Variants in SYT14 observed in about 807,000 individuals in gnomAD.
The protein encoded by SYT14 is synaptotagmin 14, also known as synaptotagmin-14.
SYT14 carries 32 observed loss-of-function variants against 74.2 expected under a neutral mutation model. That is an observed-to-expected ratio of 0.43 (90% CI 0.33 to 0.58). The LOEUF is 0.58. Ranked by LOEUF, SYT14 falls within the 20% of genes least tolerant of loss-of-function variation. The pLI is 0.05. For missense variants in SYT14, 791 were observed against 981.8 expected, an observed-to-expected ratio of 0.81 and a Z score of 2.60; for synonymous variants, 298 against 337.7, an observed-to-expected ratio of 0.88 and a Z score of 1.29.
intron 2 of SYT14, among the ~76,000 whole-genome samples, chr1:209,969,373 G>A (rs556815104): frequency 4.6e-5 from 7 of 152,094 alleles, no homozygotes; most frequent in African/African-American, 1.7e-4. Context: ...CAGTGTATAA[G>A]TGTTCCCCTT....
At chr1:210,126,703 G>A (rs74156294) in intron 7 of SYT14, among the ~76,000 whole-genome samples, 152 of 152,180 alleles carry the variant, frequency 1.0e-3, no homozygotes, top group African/African-American at 3.4e-3. Flanking sequence ...TTTCATCATC[G>A]GTACTGGTAT....
intron 2 of SYT14, among the ~76,000 whole-genome samples, chr1:209,961,711 T>C (rs1365033350): frequency 6.6e-6 from 1 of 152,140 alleles, no homozygotes; most frequent in African/African-American, 2.4e-5. Flanking sequence ...AGACTCTTAC[T>C]AGAGATGAAT....
chr1:210,010,631 G>A (rs1007763483), intron 2 of SYT14, among the ~76,000 whole-genome samples: 6 of 152,066 alleles, frequency 3.9e-5, no homozygotes, highest in Admixed American at 2.6e-4. Flanking sequence ...TTTACTGTAT[G>A]TTATACTTAC....
exon 10 of SYT14, chr1:210,166,317 A>T (rs944820464): frequency 7.9e-5 from 12 of 152,236 alleles, no homozygotes; most frequent in African/African-American, 2.9e-4. Context: ...TGTAATCCCA[A>T]CACTTTGGGA....
chr1:209,965,517 CAT>C (rs1471691879), intron 2 of SYT14, among the ~76,000 whole-genome samples: 1 of 152,164 alleles, frequency 6.6e-6, no homozygotes, highest in Non-Finnish European at 1.5e-5. Context: ...CTGGGATAAA[CAT>C]ATAAGTGCGT....
At chr1:210,162,102 C>A in exon 10 of SYT14, 1 of 436,626 alleles carries the variant, frequency 2.3e-6, no homozygotes, top group Non-Finnish European at 4.6e-6. Flanking sequence ...GATATGAAGA[C>A]TATCCAGTTC....
chr1:210,016,498 T>A lies in SYT14; in HGVS notation c.495T>A (p.Cys165Ter). ...AGAATACAAGGGCTGGATCTATTTG[T>A]CAAGAACTTGAAAGTACTGACAGAT... Residue 165 changes from cysteine to a stop codon, truncating the protein, a stop_gained, in exon 4 of 10, where the codon TGT (cysteine) becomes TGA (stop). Transcript: ENST00000637265. LOFTEE classifies it high-confidence loss of function. 1 of 1,232,080 alleles carries A rather than the reference T, an allele frequency of 8.1e-7. No homozygotes were observed. Among genetic ancestry groups the A allele is most frequent in the Non-Finnish European group, 1.0e-6 (1 of 987,924 alleles). The allele number at this position is 1,232,080 out of a possible 1,614,324, so 76.3% of individuals were successfully genotyped here.
chr1:210,139,092 T>G (rs1237454443), intron 7 of SYT14, among the ~76,000 whole-genome samples: 1 of 11,896 alleles, frequency 8.4e-5, no homozygotes, highest in Non-Finnish European at 1.4e-4. Context: ...GTACTTTTAT[T>G]TTTTTTTTTT....
At chr1:210,099,293 T>G (rs1351625798) in intron 6 of SYT14, among the ~76,000 whole-genome samples, 1 of 152,148 alleles carries the variant, frequency 6.6e-6, no homozygotes, top group African/African-American at 2.4e-5. Flanking sequence ...TTCTTTTAAT[T>G]TCATAATTAA....
At chr1:210,159,574 T>A in intron 9 of SYT14, 97 bp downstream of exon 8, 1 of 1,009,848 alleles carries the variant, frequency 9.9e-7, no homozygotes, top group Non-Finnish European at 1.5e-6. Context: ...CATGTTGGTT[T>A]CCAAAACAAT....
In SYT14 at chr1:210,082,948, G is replaced by A. The variant is rs111312000; in HGVS notation, c.1313-11374G>A. 8.1e-3 allele frequency among the ~76,000 whole-genome samples: 1,237 copies of A among 152,000 alleles called. 13 individuals are homozygous for A. Among genetic ancestry groups the A allele is most frequent in the African/African-American group, 0.026 (1,059 of 41,442 alleles). On this transcript the variant is annotated intron_variant, in intron 5 of 9. Transcript: ENST00000637265. Reference sequence around the variant, plus strand: ...ACTGGTAGAAAGTTGGTAGCTATACGTGCAGTCTGGTTTGAGTAATGGGTT... The same window carrying A: ...ACTGGTAGAAAGTTGGTAGCTATACATGCAGTCTGGTTTGAGTAATGGGTT...
At chr1:209,953,891 C>T (rs1474921019) in intron 2 of SYT14, among the ~76,000 whole-genome samples, 1 of 152,118 alleles carries the variant, frequency 6.6e-6, no homozygotes, top group East Asian at 1.9e-4. Flanking sequence ...GATTCTCATG[C>T]TATAACTATT....
intron 1 of SYT14, among the ~76,000 whole-genome samples, chr1:209,952,336 T>C (rs1473664302): frequency 6.6e-6 from 1 of 152,146 alleles, no homozygotes; most frequent in Non-Finnish European, 1.5e-5. Context: ...GATTGACCTT[T>C]CAATAACTTA....
chr1:210,157,374 C>T (rs568531503), intron 8 of SYT14, among the ~76,000 whole-genome samples: 25 of 151,322 alleles, frequency 1.7e-4, no homozygotes, highest in African/African-American at 6.1e-4. Flanking sequence ...CCAGGGAGAT[C>T]AAGGCTGCAG....
At chr1:210,169,850 A>G (rs1558238668) in exon 10 of SYT14, 1 of 152,078 alleles carries the variant, frequency 6.6e-6, no homozygotes, top group Non-Finnish European at 1.5e-5. Flanking sequence ...ATTGTATTTT[A>G]TTTCTCAAAA....
At chr1:210,110,077 T>C (rs1006582428) in intron 7 of SYT14, among the ~76,000 whole-genome samples, 69 of 151,934 alleles carry the variant, frequency 4.5e-4, no homozygotes, top group African/African-American at 1.6e-3. Context: ...TGAGAACACA[T>C]GGACACAGGG....
At chr1:210,111,080 G>A (rs770242346) in intron 7 of SYT14, among the ~76,000 whole-genome samples, 2 of 152,232 alleles carry the variant, frequency 1.3e-5, no homozygotes, top group South Asian at 4.1e-4. Context: ...CCAAAATCCG[G>A]TACTAATTTT....
intron 5 of SYT14, among the ~76,000 whole-genome samples, chr1:210,079,808 G>A (rs1386201730): frequency 1.3e-5 from 2 of 152,176 alleles, no homozygotes; most frequent in African/African-American, 4.8e-5. Context: ...CAATTTTGAG[G>A]CTGCAATGCA....
At chr1:209,943,429 C>T (rs868164873) in intron 1 of SYT14, among the ~76,000 whole-genome samples, 13 of 148,086 alleles carry the variant, frequency 8.8e-5, no homozygotes, top group South Asian at 2.1e-4. Context: ...CACCTAAACC[C>T]GGGAACCCGG....
Sources: gnomAD v4.1 joint callset for allele counts (sites outside exome capture counted in the v4.1 genomes callset) on GRCh38, gnomAD v4.1.1 for gene constraint, MANE v1.5 for transcripts, NCBI Gene and HGNC (gene_info 2026-07-23, HGNC 2026-07-21) for gene names.